ZNF469: variants seen among roughly 807,000 people sequenced by gnomAD.
ZNF469 encodes zinc finger protein 469.
A neutral mutation model predicts 1.0 loss-of-function variants in ZNF469; 1 was observed. The observed-to-expected ratio is 1.00, with a 90% CI of 0.35 to 4.73. ZNF469 has a LOEUF of 4.73. Ranked by LOEUF, ZNF469 falls within the 30% of genes most tolerant of loss-of-function variation. The probability of loss-of-function intolerance (pLI) is 0.16; values close to 1 mark genes in which losing one functional copy is unlikely to be tolerated. For synonymous variants in ZNF469, 2,703 were observed against 2,363.4 expected (o/e 1.14, Z -4.17); for missense variants, 6,100 against 5,356.3 (o/e 1.14, Z -4.33).
the ZNF469 span, among the ~76,000 whole-genome samples, chr16:88,281,140 C>T: frequency 1.0e-4 from 15 of 145,850 alleles, no homozygotes; most frequent in Non-Finnish European, 2.3e-4. Context: ...TAATGCTGTG[C>T]CACACTGATG....
chr16:88,125,841 T>C, the ZNF469 span, among the ~76,000 whole-genome samples: 4 of 152,334 alleles, frequency 2.6e-5, no homozygotes, highest in East Asian at 7.7e-4. Context: ...CTGTTAATAT[T>C]TGCATACTGG....
chr16:88,437,581 C>T lies in ZNF469; in HGVS notation c.10111C>T (p.Pro3371Ser), dbSNP rs1369970562. Residue 3371 changes from proline to serine, a missense_variant, in exon 3 of 3, where the codon CCC (proline) becomes TCC (serine). Transcript: ENST00000565624. The stretch of plus-strand genomic sequence containing the variant: ...GCGCGTCTACCTGTGCCCCCGGTGC[C>T]CCCGGGTCTACCCCGAGCACGGGGA... Reference protein sequence around the residue: ...PQRVYLCPRCPRVYPEHGELL... With the variant: ...PQRVYLCPRCSRVYPEHGELL... 16 of 1,536,432 alleles carry T rather than the reference C, an allele frequency of 1.0e-5. No homozygotes were observed. The Admixed American group carries it at 2.2e-4, about 21-fold the overall frequency.
chr16:88,165,461 G>T, the ZNF469 span, among the ~76,000 whole-genome samples: 1 of 152,158 alleles, frequency 6.6e-6, no homozygotes, highest in Non-Finnish European at 1.5e-5. Context: ...TCAACTTCCA[G>T]AAACTGGGAA....
chr16:88,227,533 TC>T, the ZNF469 span, among the ~76,000 whole-genome samples: 1 of 108,380 alleles, frequency 9.2e-6, no homozygotes, highest in Admixed American at 9.1e-5. Flanking sequence ...TCTCCCCATC[TC>T]CCCGTCTCCC....
At position 88,432,324 on chromosome 16, in the gene ZNF469, C is replaced by T. The variant is rs776427158; in HGVS notation, c.4854C>T (p.His1618=). Residue 1618 remains histidine, a synonymous_variant, in exon 3 of 3, where the codon CAC becomes CAT. Coordinates refer to ENST00000565624, the MANE Select transcript of ZNF469 (RefSeq NM_001367624.2). ...GCACCTGCCAGGCCACCGTGCCCCA[C>T]GAGGACACGTTCTCGGCAGCTGACC... The part of the protein sequence containing the change: ...QRRTCQATVP[H]EDTFSAADLT... 9 of 1,547,874 alleles carry T rather than the reference C, an allele frequency of 5.8e-6. No homozygotes were observed. The highest frequency in any genetic ancestry group is 4.1e-5 in the African/African-American group (3 of 73,054).
At chr16:88,325,399 T>C in the ZNF469 span, among the ~76,000 whole-genome samples, 1 of 152,168 alleles carries the variant, frequency 6.6e-6, no homozygotes. Context: ...GAGGCACAAT[T>C]TCCACCCAGA....
At chr16:88,296,111 G>T in the ZNF469 span, among the ~76,000 whole-genome samples, 1 of 152,174 alleles carries the variant, frequency 6.6e-6, no homozygotes, top group Non-Finnish European at 1.5e-5. Context: ...CCTCCTTTCA[G>T]ATCCCTTCCT....
the ZNF469 span, among the ~76,000 whole-genome samples, chr16:88,116,470 C>T: frequency 3.9e-5 from 6 of 152,156 alleles, no homozygotes; most frequent in Admixed American, 3.9e-4. Context: ...AGTAAACACC[C>T]GACTAATGTA....
the ZNF469 span, among the ~76,000 whole-genome samples, chr16:88,151,715 C>T: frequency 5.9e-5 from 9 of 152,298 alleles, no homozygotes; most frequent in East Asian, 9.6e-4. The surrounding 1 kb of genome is among the most constrained non-coding windows in gnomAD (Gnocchi z 5.4). Flanking sequence ...AAATGTTCCC[C>T]GTAACCCAAC....
chr16:88,203,716 CTG>C, the ZNF469 span, among the ~76,000 whole-genome samples: 2 of 143,896 alleles, frequency 1.4e-5, no homozygotes, highest in Non-Finnish European at 3.1e-5. Context: ...GGCCTCTGCT[CTG>C]TGTCTGTCCC....
At chr16:88,115,002 C>G in the ZNF469 span, among the ~76,000 whole-genome samples, 1 of 152,138 alleles carries the variant, frequency 6.6e-6, no homozygotes, top group South Asian at 2.1e-4. Flanking sequence ...GGAAGCAGAA[C>G]CCAGAGGTGA....
the ZNF469 span, among the ~76,000 whole-genome samples, chr16:88,175,301 A>C: frequency 6.6e-6 from 1 of 152,230 alleles, no homozygotes; most frequent in Non-Finnish European, 1.5e-5. Flanking sequence ...TGATAGAATA[A>C]GCAGACAGAA....
the ZNF469 span, among the ~76,000 whole-genome samples, chr16:88,220,199 C>G: frequency 6.6e-6 from 1 of 152,192 alleles, no homozygotes; most frequent in Non-Finnish European, 1.5e-5. Context: ...GCATGCTGGC[C>G]TCATTCCCAC....
chr16:88,162,547 T>C, the ZNF469 span, among the ~76,000 whole-genome samples: 1 of 152,240 alleles, frequency 6.6e-6, no homozygotes, highest in Non-Finnish European at 1.5e-5. Flanking sequence ...AAATAATTTA[T>C]TTTTGATAAT....
intron 1 of ZNF469, among the ~76,000 whole-genome samples, chr16:88,410,512 G>A (rs1041802886): frequency 2.8e-5 from 4 of 142,468 alleles, no homozygotes; most frequent in Admixed American, 7.1e-5. Flanking sequence ...TGCAGGTCAC[G>A]TGGTCATGGA....
chr16:88,236,631 C>G, the ZNF469 span, among the ~76,000 whole-genome samples: 2 of 152,196 alleles, frequency 1.3e-5, no homozygotes, highest in South Asian at 4.1e-4. Context: ...CTTTGGGAGG[C>G]CGAGGCAGGT....
At chr16:88,154,743 A>G in the ZNF469 span, among the ~76,000 whole-genome samples, 1 of 152,198 alleles carries the variant, frequency 6.6e-6, no homozygotes, top group Non-Finnish European at 1.5e-5. Context: ...TCCCTAGAGC[A>G]GCATCTGCCA....
chr16:88,158,350 C>T, the ZNF469 span, among the ~76,000 whole-genome samples: 16 of 152,002 alleles, frequency 1.1e-4, 1 homozygote, highest in East Asian at 1.9e-3. Context: ...GGGAAGCCCC[C>T]GGGGCAGGCA....
intron 1 of ZNF469, among the ~76,000 whole-genome samples, chr16:88,416,629 G>T (rs1189382211): frequency 6.6e-6 from 1 of 152,236 alleles, no homozygotes. Flanking sequence ...GAAATTGCAC[G>T]CAGGGCTTCA....
Sources: gnomAD v4.1 joint callset for allele counts (sites outside exome capture counted in the v4.1 genomes callset) on GRCh38, gnomAD v4.1.1 for gene constraint, Gnocchi (gnomAD v3.1) non-coding constraint, MANE v1.5 for transcripts, NCBI Gene and HGNC (gene_info 2026-07-23, HGNC 2026-07-21) for gene names.